Variants in FBXO16 observed in about 807,000 individuals in gnomAD.
FBXO16 encodes the protein F-box protein 16, also known as F-box only protein 16.
FBXO16 carries 31 observed loss-of-function variants against 41.0 expected under a neutral mutation model. That is an observed-to-expected ratio of 0.76 (90% CI 0.57 to 1.02). The LOEUF (loss-of-function observed/expected upper bound fraction) is 1.02, where lower values mean the gene tolerates loss of function less well. Among genes scored for constraint, FBXO16 ranks in the 50% least tolerant of loss-of-function variants. FBXO16 has a pLI of 0.00. For missense variants in FBXO16, 361 were observed against 346.2 expected, an observed-to-expected ratio of 1.04 and a Z score of -0.34; for synonymous variants, 133 against 117.8, an observed-to-expected ratio of 1.13 and a Z score of -0.84.
chr8:28,462,236 G>A (rs973405320), intron 4 of FBXO16, among the ~76,000 whole-genome samples: 16 of 151,234 alleles, frequency 1.1e-4, no homozygotes, highest in East Asian at 1.9e-4. Context: ...CACCACACCC[G>A]GACCCATCTT....
rs1467361481 is a variant in FBXO16, at chr8:28,429,302, C to T, written c.869+76G>A. 5 of 1,515,390 alleles carry T rather than the reference C, an allele frequency of 3.3e-6. No homozygotes were observed. The East Asian group carries it at 6.8e-5, about 21-fold the overall frequency. 93.9% of individuals were successfully genotyped at this position (1,515,390 alleles called of 1,614,324 possible). On this transcript the variant is annotated intron_variant, in intron 8 of 8. Transcript: ENST00000380254. ...CCAGCCTGTTCCCATAATTTACACT[C>T]TCCATTAATCAATACATGCACACGA...
In FBXO16 at chr8:28,428,718, A is replaced by G; in HGVS notation, c.*9T>C. Reference sequence around the variant, plus strand: ...AGATGAGCTGGAACTTTTAGGGGAGAGCTGGCACTTAGGGACATCTAGAAA... The same window carrying G: ...AGATGAGCTGGAACTTTTAGGGGAGGGCTGGCACTTAGGGACATCTAGAAA... On this transcript the variant is annotated 3_prime_UTR_variant, in exon 9 of 9. Coordinates refer to ENST00000380254, the MANE Select transcript of FBXO16 (RefSeq NM_172366.4). 1 of 1,565,576 alleles carries G rather than the reference A, an allele frequency of 6.4e-7. No homozygotes were observed. The highest frequency in any genetic ancestry group is 8.6e-7 in the Non-Finnish European group (1 of 1,158,636).
At chr8:28,477,106 GT>G (rs77610889) in intron 2 of FBXO16, among the ~76,000 whole-genome samples, 65,683 of 149,336 alleles carry the variant, frequency 0.44, 14,944 homozygotes, top group East Asian at 0.65. Flanking sequence ...TGATGACGCA[GT>G]TTTTTTTTTT....
At chr8:28,485,646 C>T (rs1370360884) in intron 1 of FBXO16, among the ~76,000 whole-genome samples, 1 of 152,186 alleles carries the variant, frequency 6.6e-6, no homozygotes, top group East Asian at 1.9e-4. Context: ...TTGCCTGTTG[C>T]CAATATGCCA....
intron 5 of FBXO16, 140 bp downstream of exon 5, chr8:28,456,626 A>C (rs1379569994): frequency 1.0e-6 from 1 of 997,832 alleles, no homozygotes; most frequent in Non-Finnish European, 1.5e-6. Context: ...AAGTCTCAGA[A>C]AAGGAGAATT....
chr8:28,443,708 T>C (rs188793091), intron 7 of FBXO16, among the ~76,000 whole-genome samples: 27 of 152,112 alleles, frequency 1.8e-4, no homozygotes, highest in African/African-American at 6.0e-4. Flanking sequence ...CAGGATGAGA[T>C]AGGAGGTCAG....
intron 8 of FBXO16, 26 bp from the exon 9 acceptor site, chr8:28,428,762 A>C: frequency 6.7e-7 from 1 of 1,492,216 alleles, no homozygotes; most frequent in African/African-American, 1.4e-5. Context: ...GAATCATGAA[A>C]GCGAGGGTTA....
chr8:28,473,830 TG>T, intron 2 of FBXO16, 23 bp from the exon 3 acceptor site: 1 of 1,574,892 alleles, frequency 6.3e-7, no homozygotes, highest in African/African-American at 1.4e-5. Flanking sequence ...AAAAAGAATA[TG>T]GTAATTTCAT....
At chr8:28,465,979 G>A (rs1803231886) in intron 3 of FBXO16, among the ~76,000 whole-genome samples, 1 of 152,124 alleles carries the variant, frequency 6.6e-6, no homozygotes, top group African/African-American at 2.4e-5. Flanking sequence ...TAACATTAGA[G>A]GCGTGGTGGC....
chr8:28,432,663 G>A (rs539350621), intron 7 of FBXO16, among the ~76,000 whole-genome samples: 1 of 152,272 alleles, frequency 6.6e-6, no homozygotes, highest in South Asian at 2.1e-4. Context: ...TTACGAATGT[G>A]CAGCCTCCTC....
rs1803048202 is a variant in FBXO16 at position 28,456,888 on chromosome 8, A to G, written c.385T>C (p.Trp129Arg). The G allele has an allele frequency of 6.2e-7, 1 of 1,614,156 alleles. No homozygotes were observed. Among genetic ancestry groups the G allele is most frequent in the Admixed American group, 1.7e-5 (1 of 60,014 alleles). The change falls in exon 5 of 9, where the codon TGG (tryptophan) becomes CGG (arginine). Residue 129 changes from tryptophan (W) to arginine (R), a missense_variant. Physicochemically the swap from Trp to Arg is moderately radical, Grantham distance 101. Coordinates refer to ENST00000380254, the MANE Select transcript of FBXO16 (RefSeq NM_172366.4). ...TTAAACCGTAAACATTTCAGCATCC[A>G]GAGCTGGTCCAGCTCAGCAAGGTTC... is the stretch of plus-strand genomic sequence containing the variant. ...WKNLAELDQL[W>R]MLKCLRFNWY...
At chr8:28,460,251 T>A (rs1353986222) in intron 4 of FBXO16, among the ~76,000 whole-genome samples, 1,611 of 104,956 alleles carry the variant, frequency 0.015, 5 homozygotes, top group Non-Finnish European at 0.021. Context: ...ATATATTTTT[T>A]TTTTTTTTTT....
At chr8:28,474,540 T>C (rs894838291) in intron 2 of FBXO16, among the ~76,000 whole-genome samples, 1 of 152,034 alleles carries the variant, frequency 6.6e-6, no homozygotes, top group Non-Finnish European at 1.5e-5. Context: ...ATATTAATAG[T>C]ATGAGAATTT....
intron 7 of FBXO16, among the ~76,000 whole-genome samples, chr8:28,439,014 C>T (rs1012749125): frequency 4.0e-5 from 6 of 150,676 alleles, no homozygotes; most frequent in South Asian, 2.1e-4. Context: ...GCAGGAGAAT[C>T]GTTTGAACCC....
intron 2 of FBXO16, among the ~76,000 whole-genome samples, chr8:28,478,593 G>T (rs11986012): frequency 6.6e-6 from 1 of 151,796 alleles, no homozygotes; most frequent in Non-Finnish European, 1.5e-5. Context: ...GGAGGCCAAG[G>T]CCAGTGGATC....
rs527854821 is a variant in FBXO16, at chr8:28,481,367, G to A, written c.99+1981C>T. Among the ~76,000 whole-genome samples the A allele has an allele frequency of 7.2e-5, 11 of 152,194 alleles. No homozygotes were observed. In the East Asian group the frequency reaches 1.7e-3, roughly 24 times the overall value. The stretch of plus-strand genomic sequence containing the variant: ...AGAATGGAGCTGGAAGTAGATAAGC[G>A]GGTGGAGAAGAGAGGCCTGAATGAG... On this transcript the variant is annotated intron_variant, in intron 2 of 8. Coordinates refer to ENST00000380254, the MANE Select transcript of FBXO16 (RefSeq NM_172366.4).
chr8:28,435,286 T>G (rs926295282), intron 7 of FBXO16, among the ~76,000 whole-genome samples: 3 of 151,900 alleles, frequency 2.0e-5, no homozygotes, highest in Non-Finnish European at 4.4e-5. Context: ...TTCTCCTGCC[T>G]CAGCCTCCCG....
chr8:28,473,767 T>G lies in FBXO16; in HGVS notation c.135+5A>C. On this transcript the variant is annotated splice_donor_5th_base_variant and intron_variant, in intron 3 of 8. Coordinates refer to ENST00000380254, the MANE Select transcript of FBXO16 (RefSeq NM_172366.4). ...AATGCAAAAATAGTATTTTTAAATG[T>G]TTACCCATTTGCCAAGCAGGGCTCT... is the stretch of plus-strand genomic sequence containing the variant. 1.3e-6 allele frequency: 2 copies of G among 1,599,062 alleles called. No individual in the cohort carries two copies. Among genetic ancestry groups the G allele is most frequent in the Non-Finnish European group, 1.7e-6 (2 of 1,169,952 alleles).
chr8:28,486,832 C>T lies in FBXO16; in HGVS notation c.-17+3354G>A, dbSNP rs142834260. 3.4e-3 allele frequency among the ~76,000 whole-genome samples: 522 copies of T among 151,938 alleles called. 4 individuals carry two copies. The highest frequency in any genetic ancestry group is 0.012 in the African/African-American group (506 of 41,468). ...TCCAGCCTGGGCAACAGAGCAAGAC[C>T]GTTTTTAAAAAATAATAAAAACATA... On this transcript the variant is annotated intron_variant, in intron 1 of 8. Transcript: ENST00000380254.
Sources: gnomAD v4.1 joint callset for allele counts (sites outside exome capture counted in the v4.1 genomes callset) on GRCh38, gnomAD v4.1.1 for gene constraint, MANE v1.5 for transcripts, NCBI Gene and HGNC (gene_info 2026-07-23, HGNC 2026-07-21) for gene names.